The following LRAT variants were observed in gnomAD, a reference collection of about 807,000 sequenced individuals.
LRAT encodes lecithin retinol acyltransferase, also known as lecithin retinol acyltransferase (phosphatidylcholine--retinol O-acyltransferase).
LRAT carries 11 observed loss-of-function variants against 14.2 expected under a neutral mutation model. That is an observed-to-expected ratio of 0.78 (90% confidence interval 0.49 to 1.29). The LOEUF is 1.29. Ranked by LOEUF, LRAT falls within the 50% of genes most tolerant of loss-of-function variation. LRAT has a pLI of 0.00. For missense variants in LRAT, 274 were observed against 292.4 expected, an observed-to-expected ratio of 0.94 and a Z score of 0.46; for synonymous variants, 144 against 124.8, an observed-to-expected ratio of 1.15 and a Z score of -1.03.
In LRAT at chr4:154,744,695, G is replaced by T. The variant is rs1732844468; in HGVS notation, c.369G>T (p.Leu123=). 1 of 1,614,068 alleles carries T rather than the reference G, an allele frequency of 6.2e-7. No homozygotes were observed. Among genetic ancestry groups the T allele is most frequent in the South Asian group, 1.1e-5 (1 of 91,082 alleles). Residue 123 remains leucine, a synonymous_variant, in exon 2 of 3, where the codon CTG becomes CTT. Coordinates refer to ENST00000336356, the MANE Select transcript of LRAT (RefSeq NM_004744.5). ...ACTTCGCCTACGGAGCTAACATCCT[G>T]GTCAATCACCTGGACGAGTCCCTCC... The part of the protein sequence containing the change: ...VEDFAYGANI[L]VNHLDESLQK...
intron 2 of LRAT, 139 bp downstream of exon 2, chr4:154,745,005 CCTTTTTTTTTTTTT>C (rs1732855076): frequency 1.1e-5 from 5 of 436,322 alleles, no homozygotes; most frequent in South Asian, 2.6e-5. Flanking sequence ...TTTTCTTTTT[CCTTTTTTTTTTTTT>C]TTTTTTTTTT....
At chr4:154,742,227 A>C (rs1393410260), upstream of LRAT, among the ~76,000 whole-genome samples, 1 of 152,108 alleles carries the variant, frequency 6.6e-6, no homozygotes, top group Non-Finnish European at 1.5e-5. Flanking sequence ...TAAACTGGGA[A>C]AATAAAAAAA....
At chr4:154,746,933 A>C (rs553361401) in intron 2 of LRAT, among the ~76,000 whole-genome samples, 20 of 152,292 alleles carry the variant, frequency 1.3e-4, no homozygotes, top group African/African-American at 4.8e-4. Context: ...CCCGGGGGAA[A>C]AAAAAAAGTT....
At chr4:154,748,561 T>C (rs150954784) in intron 2 of LRAT, among the ~76,000 whole-genome samples, 79 of 152,228 alleles carry the variant, frequency 5.2e-4, no homozygotes, top group African/African-American at 1.9e-3. Flanking sequence ...GATTTTAGAA[T>C]GGCAGATTGG....
intron 2 of LRAT, among the ~76,000 whole-genome samples, chr4:154,746,496 C>A (rs931033022): frequency 1.3e-5 from 2 of 152,224 alleles, no homozygotes; most frequent in South Asian, 2.1e-4. Flanking sequence ...CACTGTGCAG[C>A]GATTCAAGAA....
intron 2 of LRAT, among the ~76,000 whole-genome samples, chr4:154,747,984 G>A (rs1732916146): frequency 6.6e-6 from 1 of 152,078 alleles, no homozygotes; most frequent in South Asian, 2.1e-4. Flanking sequence ...TAGCTGCCCA[G>A]TACCATGTAA....
upstream of LRAT, among the ~76,000 whole-genome samples, chr4:154,743,534 G>T (rs1356110948): frequency 1.3e-5 from 2 of 152,236 alleles, no homozygotes; most frequent in Admixed American, 1.3e-4. Context: ...GGTCAGGAAA[G>T]AATCTGCAGG....
upstream of LRAT, chr4:154,743,854 T>G: frequency 3.1e-5 from 1 of 32,022 alleles, no homozygotes. Flanking sequence ...CCCGCCCCCC[T>G]CCCAAAGAAA....
At position 154,744,785 on chromosome 4, in the gene LRAT, C is replaced by CT. The variant is rs1442405135; in HGVS notation, c.460dup (p.Tyr154LeufsTer30). 6.2e-7 allele frequency: 1 copy of CT among 1,614,134 alleles called. No individual in the cohort carries two copies. Among genetic ancestry groups the CT allele is most frequent in the Admixed American group, 1.7e-5 (1 of 60,024 alleles). ...CTGAAAAGCTGCTGGGCTTTACCCCCTACAGCCTGCTGTGGAACAACTGCG... is the reference window on the plus strand; with the variant it reads ...CTGAAAAGCTGCTGGGCTTTACCCCCTTACAGCCTGCTGTGGAACAACTGCG... On this transcript the variant is annotated frameshift_variant, in exon 2 of 3. Coordinates refer to ENST00000336356, the MANE Select transcript of LRAT (RefSeq NM_004744.5). LOFTEE classifies it high-confidence loss of function.
In LRAT at chr4:154,744,231, C is replaced by A; in HGVS notation, c.-2+9C>A. The A allele has an allele frequency of 1.5e-6, 2 of 1,304,362 alleles. No individual in the cohort carries two copies. The highest frequency in any genetic ancestry group is 2.2e-6 in the Non-Finnish European group (2 of 910,508). 80.8% of individuals were successfully genotyped at this position (1,304,362 alleles called of 1,614,324 possible). The stretch of plus-strand genomic sequence containing the variant: ...CCTCACCTGGCCTGCAGGTGAGCAG[C>A]AGCGCAGCACCCCTGCCCGGCGAGC... On this transcript the variant is annotated intron_variant, in intron 1 of 2. Transcript: ENST00000336356.
At chr4:154,741,300 G>T (rs973139135), upstream of LRAT, among the ~76,000 whole-genome samples, 7 of 152,254 alleles carry the variant, frequency 4.6e-5, no homozygotes, top group African/African-American at 1.7e-4. Flanking sequence ...TCCCGCATAA[G>T]AGTTCTGGGA....
chr4:154,748,848 T>A, intron 2 of LRAT, 136 bp from the exon 3 acceptor site: 1 of 804,132 alleles, frequency 1.2e-6, no homozygotes, highest in Non-Finnish European at 2.0e-6. Flanking sequence ...TTGTAAATTT[T>A]TTTGTAAGTC....
chr4:154,745,860 C>T (rs750753510), intron 2 of LRAT, among the ~76,000 whole-genome samples: 4 of 152,092 alleles, frequency 2.6e-5, no homozygotes, highest in African/African-American at 4.8e-5. Flanking sequence ...TGGCTTTGAT[C>T]CTCATCTAGA....
chr4:154,751,761 AAAAGAAG>A lies in LRAT; in HGVS notation c.*2628_*2634del, dbSNP rs1733000795. 9.1e-6 allele frequency: 1 copy of A among 109,694 alleles called. No homozygotes were observed. Among genetic ancestry groups the A allele is most frequent in the African/African-American group, 3.1e-5 (1 of 32,392 alleles). 6.8% of individuals were successfully genotyped at this position (109,694 alleles called of 1,614,324 possible). A position where few individuals can be genotyped will look rare whatever the true frequency, so the allele number is the denominator to read the frequency against. On this transcript the variant is annotated 3_prime_UTR_variant, in exon 3 of 3. Coordinates refer to ENST00000336356, the MANE Select transcript of LRAT (RefSeq NM_004744.5). Reference sequence around the variant, plus strand: ...AAAAAAAAAAAAAAAAAAAAAAAAAAAAAGAAGAAGAAACCCTGAGCCATTAATGTGT... The same window carrying A: ...AAAAAAAAAAAAAAAAAAAAAAAAAAAAGAAACCCTGAGCCATTAATGTGT...
chr4:154,742,887 A>C (rs1323997978), upstream of LRAT, among the ~76,000 whole-genome samples: 1 of 152,186 alleles, frequency 6.6e-6, no homozygotes. Context: ...ATAAAAATAA[A>C]GGGAGGCGGA....
chr4:154,747,011 A>G (rs1438807297), intron 2 of LRAT, among the ~76,000 whole-genome samples: 1 of 152,206 alleles, frequency 6.6e-6, no homozygotes, highest in Admixed American at 6.5e-5. Flanking sequence ...GGTCATTAAT[A>G]CTGAAGGAAG....
chr4:154,749,139 T>G lies in LRAT; in HGVS notation c.*3T>G, dbSNP rs200942685. The G allele has an allele frequency of 3.3e-3, 5,322 of 1,612,932 alleles. 17 individuals are homozygous for G. The highest frequency in any genetic ancestry group is 4.0e-3 in the Non-Finnish European group (4,762 of 1,178,998). On this transcript the variant is annotated 3_prime_UTR_variant, in exon 3 of 3. Coordinates refer to ENST00000336356, the MANE Select transcript of LRAT (RefSeq NM_004744.5). Reference sequence around the variant, plus strand: ...TCTTCCTATGGATGGCTGGCTAACTTCATACCCCCATGTCAGTGTGTGTAT... The same window carrying G: ...TCTTCCTATGGATGGCTGGCTAACTGCATACCCCCATGTCAGTGTGTGTAT...
In LRAT at chr4:154,749,145, C is replaced by T; in HGVS notation, c.*9C>T. On this transcript the variant is annotated 3_prime_UTR_variant, in exon 3 of 3. Transcript: ENST00000336356. ...TATGGATGGCTGGCTAACTTCATAC[C>T]CCCATGTCAGTGTGTGTATTCTGTA... 6.2e-7 allele frequency: 1 copy of T among 1,611,476 alleles called. No individual in the cohort carries two copies. Among genetic ancestry groups the T allele is most frequent in the Admixed American group, 1.7e-5 (1 of 59,998 alleles).
intron 2 of LRAT, among the ~76,000 whole-genome samples, chr4:154,745,980 G>C (rs1422778151): frequency 6.6e-6 from 1 of 152,092 alleles, no homozygotes; most frequent in African/African-American, 2.4e-5. Flanking sequence ...TTAAACATTG[G>C]AAGGTAATTT....
Sources: gnomAD v4.1 joint callset for allele counts (sites outside exome capture counted in the v4.1 genomes callset) on GRCh38, gnomAD v4.1.1 for gene constraint, MANE v1.5 for transcripts, NCBI Gene and HGNC (gene_info 2026-07-23, HGNC 2026-07-21) for gene names.